NCOA2: variants seen among roughly 807,000 people sequenced by gnomAD.
NCOA2 encodes the protein nuclear receptor coactivator 2.
Under a neutral mutation model 145.1 loss-of-function variants are expected in NCOA2, and 21 were observed. The ratio of observed to expected loss-of-function variants is 0.14; its 90% CI spans 0.10 to 0.21. The LOEUF is 0.21. Among genes scored for constraint, NCOA2 ranks in the 10% least tolerant of loss-of-function variants. The pLI is 1.00. For missense variants in NCOA2, 1,472 were observed against 1,837.6 expected (o/e 0.80, Z 3.64); for synonymous variants, 619 against 637.5 (o/e 0.97, Z 0.44).
At chr8:70,274,039 C>A (rs1239772818) in intron 2 of NCOA2, among the ~76,000 whole-genome samples, 9 of 152,194 alleles carry the variant, frequency 5.9e-5, no homozygotes, top group African/African-American at 2.2e-4. Flanking sequence ...GCAATTCATT[C>A]TTTGCAGCTA....
intron 1 of NCOA2, among the ~76,000 whole-genome samples, chr8:70,337,690 A>G (rs1448978270): frequency 6.6e-6 from 1 of 152,200 alleles, no homozygotes; most frequent in African/African-American, 2.4e-5. Context: ...AAAGCTGATC[A>G]CGTAATTGGA....
chr8:70,114,208 T>G (rs1487436594), intron 22 of NCOA2, among the ~76,000 whole-genome samples: 3 of 152,120 alleles, frequency 2.0e-5, no homozygotes, highest in African/African-American at 7.2e-5. Flanking sequence ...GTATTTTTAG[T>G]AGAGATGGGG....
In NCOA2 at chr8:70,281,503, T is replaced by C. The variant is rs372875684; in HGVS notation, c.-20+15241A>G. On this transcript the variant is annotated intron_variant, in intron 2 of 22. Transcript: ENST00000452400. Reference sequence around the variant, plus strand: ...CAGAAAAGATTATGCTGTGGCCTCTTGTAGATCAAGGGAAAAGGTGAATTA... The same window carrying C: ...CAGAAAAGATTATGCTGTGGCCTCTCGTAGATCAAGGGAAAAGGTGAATTA... Among the ~76,000 whole-genome samples the C allele has an allele frequency of 2.7e-4, 41 of 152,194 alleles. 2 individuals carry two copies. The South Asian group carries it at 8.5e-3, about 32-fold the overall frequency.
intron 1 of NCOA2, among the ~76,000 whole-genome samples, chr8:70,402,739 G>A (rs1262935768): frequency 1.3e-5 from 2 of 151,882 alleles, no homozygotes; most frequent in African/African-American, 4.8e-5. Flanking sequence ...AAAAGGGGGC[G>A]CTGGCGAGCC....
chr8:70,219,038 T>C (rs550852749), intron 2 of NCOA2, among the ~76,000 whole-genome samples: 29 of 152,282 alleles, frequency 1.9e-4, no homozygotes, highest in African/African-American at 6.7e-4. Context: ...TTTAACATTA[T>C]ATATATATTA....
chr8:70,138,068 C>G (rs1394387678), intron 15 of NCOA2, 135 bp downstream of exon 15: 1 of 876,646 alleles, frequency 1.1e-6, no homozygotes, highest in African/African-American at 1.7e-5. Context: ...ATTCACCCCT[C>G]CTCTTCATGC....
intron 2 of NCOA2, among the ~76,000 whole-genome samples, chr8:70,266,195 T>G (rs916936312): frequency 3.3e-5 from 5 of 152,154 alleles, no homozygotes; most frequent in African/African-American, 1.2e-4. Flanking sequence ...TGGAGTCTTG[T>G]TCTGTCACCG....
At chr8:70,296,411 T>C (rs1170084836) in intron 2 of NCOA2, among the ~76,000 whole-genome samples, 1 of 152,188 alleles carries the variant, frequency 6.6e-6, no homozygotes, top group Non-Finnish European at 1.5e-5. Context: ...ACCACTCAAA[T>C]TTTTACATAT....
At chr8:70,419,702 T>G in the NCOA2 span, among the ~76,000 whole-genome samples, 1 of 152,218 alleles carries the variant, frequency 6.6e-6, no homozygotes, top group Non-Finnish European at 1.5e-5. Flanking sequence ...CTAAATGATT[T>G]GTGTCATCTA....
intron 2 of NCOA2, among the ~76,000 whole-genome samples, chr8:70,246,224 G>C (rs1822610054): frequency 6.6e-6 from 1 of 152,042 alleles, no homozygotes; most frequent in Non-Finnish European, 1.5e-5. Flanking sequence ...TCAAAAGAAA[G>C]CAGCTGATCA....
intron 13 of NCOA2, among the ~76,000 whole-genome samples, chr8:70,141,620 T>C (rs971213496): frequency 6.6e-6 from 1 of 152,176 alleles, no homozygotes; most frequent in Non-Finnish European, 1.5e-5. Flanking sequence ...CTTTATAGTT[T>C]AGAAAAGCTA....
At chr8:70,389,407 A>G (rs1218481078) in intron 1 of NCOA2, among the ~76,000 whole-genome samples, 1 of 151,734 alleles carries the variant, frequency 6.6e-6, no homozygotes, top group Non-Finnish European at 1.5e-5. Flanking sequence ...CAGCCTCCGG[A>G]GTAGCTGGGA....
At chr8:70,236,681 AC>A (rs1429631223) in intron 2 of NCOA2, among the ~76,000 whole-genome samples, 20 of 152,204 alleles carry the variant, frequency 1.3e-4, no homozygotes, top group African/African-American at 2.4e-5. Context: ...AAAGAAAAAA[AC>A]AACAATAAAA....
At chr8:70,193,948 T>G (rs1048868574) in intron 4 of NCOA2, among the ~76,000 whole-genome samples, 6 of 152,210 alleles carry the variant, frequency 3.9e-5, no homozygotes, top group African/African-American at 9.7e-5. Flanking sequence ...ATATTGGCAT[T>G]ATTTATTTTA....
chr8:70,263,127 AT>A (rs1229515076), intron 2 of NCOA2, among the ~76,000 whole-genome samples: 2 of 148,964 alleles, frequency 1.3e-5, no homozygotes, highest in Non-Finnish European at 3.0e-5. Context: ...TGGGGCCATT[AT>A]TAAGTCAAAT....
intron 2 of NCOA2, among the ~76,000 whole-genome samples, chr8:70,231,340 G>T (rs1240478286): frequency 1.3e-5 from 2 of 152,208 alleles, no homozygotes; most frequent in African/African-American, 4.8e-5. Flanking sequence ...TTTCTACTCT[G>T]ATGAAAGAAT....
intron 1 of NCOA2, among the ~76,000 whole-genome samples, chr8:70,341,184 A>T (rs1188801926): frequency 5.9e-5 from 9 of 151,942 alleles, no homozygotes; most frequent in African/African-American, 1.7e-4. Flanking sequence ...TGAGGTCAGG[A>T]GTTCAAGACC....
At chr8:70,403,586 C>G (rs943094818) in intron 1 of NCOA2, 114 bp downstream of exon 1, 1 of 317,094 alleles carries the variant, frequency 3.2e-6, no homozygotes, top group Non-Finnish European at 5.8e-6. Flanking sequence ...GCGCACGGCT[C>G]TGTCGGAGCT....
intron 1 of NCOA2, among the ~76,000 whole-genome samples, chr8:70,313,854 C>A (rs1267753446): frequency 1.3e-5 from 2 of 152,022 alleles, no homozygotes; most frequent in Non-Finnish European, 2.9e-5. Context: ...GTTAACCAGG[C>A]CATAAACAGA....
Sources: allele counts gnomAD v4.1 joint callset (sites outside exome capture counted in the v4.1 genomes callset), GRCh38; gene constraint gnomAD v4.1.1; transcripts MANE v1.5; gene names NCBI Gene and HGNC (gene_info 2026-07-23, HGNC 2026-07-21).